CPXM2: variants seen among roughly 807,000 people sequenced by gnomAD.
The protein encoded by CPXM2 is inactive carboxypeptidase-like protein X2.
In CPXM2, 66 loss-of-function variants were observed where a neutral mutation model predicts 86.1. The observed-to-expected ratio is 0.77, with a 90% CI of 0.63 to 0.94. The LOEUF is 0.94. Among genes scored for constraint, CPXM2 ranks in the 40% least tolerant of loss-of-function variants. CPXM2 has a pLI of 0.00. For synonymous variants in CPXM2, 388 were observed against 400.2 expected (o/e 0.97, Z 0.36); for missense variants, 948 against 1,026.3 (o/e 0.92, Z 1.04).
At chr10:123,751,779 G>A (rs1037618581) in intron 13 of CPXM2, 47 of 985,222 alleles carry the variant, frequency 4.8e-5, no homozygotes, top group African/African-American at 7.0e-5. Flanking sequence ...CTTGAGAACC[G>A]AAAGATTCTG....
intron 4 of CPXM2, among the ~76,000 whole-genome samples, chr10:123,838,977 GC>G (rs1848330595): frequency 6.6e-6 from 1 of 152,194 alleles, no homozygotes; most frequent in Admixed American, 6.5e-5. Flanking sequence ...ATGCAAAGCA[GC>G]TTTCTCTGTC....
chr10:123,902,455 C>T (rs761375671), intron 2 of CPXM2, among the ~76,000 whole-genome samples: 4 of 152,148 alleles, frequency 2.6e-5, no homozygotes, highest in African/African-American at 9.7e-5. Flanking sequence ...CATATAGTGT[C>T]TTAGTCCATT....
rs531142641 is a variant in CPXM2, at chr10:123,865,694, C to T, written c.404-2971G>A. ...AACAAGGGGACGCCAAATTCACAAC[C>T]GACATGGGGCACGGGACGGGCACCT... On this transcript the variant is annotated intron_variant, in intron 2 of 13. Transcript: ENST00000241305. This position sits in a 1 kb window ranked among gnomAD's most constrained non-coding sequence, Gnocchi z 4.7. 9.9e-5 allele frequency among the ~76,000 whole-genome samples: 15 copies of T among 152,154 alleles called. No individual in the cohort carries two copies. The highest frequency in any genetic ancestry group is 6.2e-4 in the South Asian group (3 of 4,828).
intron 2 of CPXM2, among the ~76,000 whole-genome samples, chr10:123,864,857 C>T (rs968008780): frequency 1.3e-5 from 2 of 152,202 alleles, no homozygotes; most frequent in African/African-American, 4.8e-5. Context: ...ATCAAAATTG[C>T]TTTTCTGTCG....
intron 2 of CPXM2, among the ~76,000 whole-genome samples, chr10:123,934,255 G>T (rs1945694164): frequency 6.6e-6 from 1 of 152,224 alleles, no homozygotes; most frequent in Non-Finnish European, 1.5e-5. Flanking sequence ...ATAACAGAAA[G>T]GTCTTCTCTC....
At chr10:123,942,095 G>T (rs976766887), upstream of CPXM2, among the ~76,000 whole-genome samples, 1 of 152,228 alleles carries the variant, frequency 6.6e-6, no homozygotes, top group Non-Finnish European at 1.5e-5. Context: ...AGAAAACTTA[G>T]AGTAATGCAA....
chr10:123,904,024 A>T (rs1945409582), intron 2 of CPXM2, among the ~76,000 whole-genome samples: 1 of 152,244 alleles, frequency 6.6e-6, no homozygotes, highest in Non-Finnish European at 1.5e-5. Flanking sequence ...CTTTGGAGAA[A>T]AACATAGATG....
intron 3 of CPXM2, among the ~76,000 whole-genome samples, chr10:123,860,971 G>A (rs901087217): frequency 5.3e-5 from 8 of 152,268 alleles, no homozygotes; most frequent in Non-Finnish European, 8.8e-5. Context: ...TAAGCAGTTC[G>A]AAAGTCTGTT....
In CPXM2 at chr10:123,910,258, G is replaced by A. The variant is rs1429557625; in HGVS notation, n.174+29219C>T. The stretch of plus-strand genomic sequence containing the variant: ...CCTTGCTTTGAATGCCTGGACACCT[G>A]GCCAGGTTTTTTTTACTCCTTCTCC... On this transcript the variant is annotated intron_variant and non_coding_transcript_variant, in intron 2 of 19. Transcript: ENST00000368854. Among the ~76,000 whole-genome samples, 6 of 152,236 alleles carry A rather than the reference G, an allele frequency of 3.9e-5. No homozygotes were observed. In the East Asian group the frequency reaches 1.2e-3, roughly 29 times the overall value.
At chr10:123,854,114 C>T (rs1226210945) in intron 3 of CPXM2, among the ~76,000 whole-genome samples, 1 of 151,356 alleles carries the variant, frequency 6.6e-6, no homozygotes, top group African/African-American at 2.4e-5. Context: ...TGTAGCAGGG[C>T]AGGTGCCCTG....
At chr10:123,760,380 T>C (rs1846305215) in intron 11 of CPXM2, among the ~76,000 whole-genome samples, 1 of 152,218 alleles carries the variant, frequency 6.6e-6, no homozygotes, top group South Asian at 2.1e-4. Context: ...TTGCATTTTT[T>C]TTTATTTCAT....
At chr10:123,823,538 T>C (rs1336364101) in intron 4 of CPXM2, among the ~76,000 whole-genome samples, 1 of 152,182 alleles carries the variant, frequency 6.6e-6, no homozygotes, top group Non-Finnish European at 1.5e-5. Flanking sequence ...CTATTTGACC[T>C]GGCTTGTAAA....
chr10:123,746,621 G>A lies in CPXM2; in HGVS notation c.*143C>T. On this transcript the variant is annotated 3_prime_UTR_variant, in exon 14 of 14. Transcript: ENST00000241305. ...GCCTCAGCCTCCAGCCTTCCCTTTT[G>A]GGACCTGCCTCACAATGCACCCTCT... 1 of 768,364 alleles carries A rather than the reference G, an allele frequency of 1.3e-6. No homozygotes were observed. Among genetic ancestry groups the A allele is most frequent in the Non-Finnish European group, 2.1e-6 (1 of 476,880 alleles). The allele number at this position is 768,364 out of a possible 1,614,324, so 47.6% of individuals were successfully genotyped here.
upstream of CPXM2, among the ~76,000 whole-genome samples, chr10:123,893,824 G>A (rs1459560507): frequency 6.6e-6 from 1 of 152,208 alleles, no homozygotes; most frequent in African/African-American, 2.4e-5. Flanking sequence ...GCTGTGTGAA[G>A]CGCTAACAAG....
chr10:123,904,262 G>A (rs1025664011), intron 2 of CPXM2, among the ~76,000 whole-genome samples: 6 of 151,992 alleles, frequency 3.9e-5, no homozygotes, highest in Admixed American at 1.3e-4. Flanking sequence ...CTTTCCCTTC[G>A]GGGCAGACAC....
chr10:123,875,807 C>CTTTTTTTTTTTT (rs780970130), intron 2 of CPXM2, among the ~76,000 whole-genome samples: 4 of 84,670 alleles, frequency 4.7e-5, no homozygotes, highest in Admixed American at 1.4e-4. Flanking sequence ...TCTTTTCTTT[C>CTTTTTTTTTTTT]TTTTTTTTTT....
At chr10:123,749,193 G>A (rs2133964025) in intron 13 of CPXM2, among the ~76,000 whole-genome samples, 1 of 152,124 alleles carries the variant, frequency 6.6e-6, no homozygotes, top group South Asian at 2.1e-4. Flanking sequence ...AGCTATTGTG[G>A]GGCGCTGGAC....
At position 123,889,907 on chromosome 10, in the gene CPXM2, G is replaced by C. The variant is rs144133652; in HGVS notation, c.304+1449C>G. ...CCTACCATGCCCAGGACGGAGCTAAGCACATTGCAGGCACTTAAAAAAAAA... is the reference window on the plus strand; with the variant it reads ...CCTACCATGCCCAGGACGGAGCTAACCACATTGCAGGCACTTAAAAAAAAA... On this transcript the variant is annotated intron_variant, in intron 1 of 13. Transcript: ENST00000241305. Among the ~76,000 whole-genome samples the C allele has an allele frequency of 5.8e-3, 882 of 152,132 alleles. 9 individuals are homozygous for C. Among genetic ancestry groups the C allele is most frequent in the African/African-American group, 0.02 (848 of 41,482 alleles).
chr10:123,811,146 TTTTC>T (rs1847684068), intron 4 of CPXM2, among the ~76,000 whole-genome samples: 1 of 122,898 alleles, frequency 8.1e-6, no homozygotes, highest in Non-Finnish European at 1.7e-5. Flanking sequence ...TTTTTTTCTT[TTTTC>T]TTTTTTTTTT....
Sources: gnomAD v4.1 joint callset for allele counts (sites outside exome capture counted in the v4.1 genomes callset) on GRCh38, gnomAD v4.1.1 for gene constraint, Gnocchi (gnomAD v3.1) non-coding constraint, MANE v1.5 for transcripts, NCBI Gene and HGNC (gene_info 2026-07-23, HGNC 2026-07-21) for gene names.